ZSCAN25: variants seen among roughly 807,000 people sequenced by gnomAD.
The protein encoded by ZSCAN25 is zinc finger and SCAN domain containing 25, also known as zinc finger and SCAN domain-containing protein 25.
ZSCAN25 carries 27 observed loss-of-function variants against 38.7 expected under a neutral mutation model. That is an observed-to-expected ratio of 0.70 (90% CI 0.51 to 0.96). The LOEUF (loss-of-function observed/expected upper bound fraction) is 0.96, where lower values mean the gene tolerates loss of function less well. Among genes scored for constraint, ZSCAN25 ranks in the 40% least tolerant of loss-of-function variants. The probability of loss-of-function intolerance (pLI) is 0.00; values close to 1 mark genes in which losing one functional copy is unlikely to be tolerated. For missense variants in ZSCAN25, 637 were observed against 705.9 expected (o/e 0.90, Z 1.11); for synonymous variants, 273 against 277.7 (o/e 0.98, Z 0.17).
the ZSCAN25 span, among the ~76,000 whole-genome samples, chr7:99,644,183 C>A: frequency 1.3e-5 from 2 of 152,174 alleles, no homozygotes; most frequent in Admixed American, 1.3e-4. Flanking sequence ...TGTTTTACAC[C>A]AGGTGCTGTG....
chr7:99,684,728 A>G, the ZSCAN25 span, among the ~76,000 whole-genome samples: 1 of 152,238 alleles, frequency 6.6e-6, no homozygotes, highest in East Asian at 1.9e-4. Flanking sequence ...CTTATTATAG[A>G]ATGCTCCAGA....
the ZSCAN25 span, among the ~76,000 whole-genome samples, chr7:99,667,592 A>G: frequency 6.6e-6 from 1 of 152,240 alleles, no homozygotes; most frequent in Non-Finnish European, 1.5e-5. Flanking sequence ...TTCCTTGAAA[A>G]TTCTTTTCTC....
At chr7:99,692,971 A>C in the ZSCAN25 span, among the ~76,000 whole-genome samples, 1 of 152,066 alleles carries the variant, frequency 6.6e-6, no homozygotes, top group Admixed American at 6.5e-5. Context: ...GGAGGAGAAG[A>C]GATGCTCTGT....
the ZSCAN25 span, among the ~76,000 whole-genome samples, chr7:99,677,730 C>CCAAA: frequency 1.3e-5 from 2 of 152,226 alleles, no homozygotes; most frequent in African/African-American, 4.8e-5. Flanking sequence ...GCACCACCTG[C>CCAAA]CAAAGCCAGG....
At chr7:99,732,038 A>G in the ZSCAN25 span, among the ~76,000 whole-genome samples, 1 of 152,128 alleles carries the variant, frequency 6.6e-6, no homozygotes, top group Non-Finnish European at 1.5e-5. Context: ...CTGTGCCCCT[A>G]CCCAAATCTC....
chr7:99,646,062 G>A, the ZSCAN25 span, among the ~76,000 whole-genome samples: 1 of 151,986 alleles, frequency 6.6e-6, no homozygotes, highest in African/African-American at 2.4e-5. Flanking sequence ...CTCCAGTTTT[G>A]TTCTTTTTGC....
At chr7:99,691,186 C>A in the ZSCAN25 span, among the ~76,000 whole-genome samples, 1 of 151,708 alleles carries the variant, frequency 6.6e-6, no homozygotes, top group Non-Finnish European at 1.5e-5. Flanking sequence ...AGCAAACTAT[C>A]GCAAGGACAA....
At chr7:99,678,408 C>T in the ZSCAN25 span, among the ~76,000 whole-genome samples, 4 of 152,232 alleles carry the variant, frequency 2.6e-5, no homozygotes, top group Admixed American at 6.5e-5. Flanking sequence ...GTCTTGCTTA[C>T]TCCCCTGTCC....
chr7:99,722,921 C>G, the ZSCAN25 span, among the ~76,000 whole-genome samples: 2 of 152,132 alleles, frequency 1.3e-5, no homozygotes, highest in Admixed American at 6.5e-5. Flanking sequence ...ACAAAGTGGA[C>G]TCGCTTTCCA....
chr7:99,720,450 C>T, the ZSCAN25 span: 3 of 1,609,756 alleles, frequency 1.9e-6, no homozygotes, highest in East Asian at 6.7e-5. Flanking sequence ...ACATCAACAG[C>T]CTTATGCTAC....
At chr7:99,681,076 T>G in the ZSCAN25 span, among the ~76,000 whole-genome samples, 2 of 152,246 alleles carry the variant, frequency 1.3e-5, no homozygotes, top group Non-Finnish European at 2.9e-5. Flanking sequence ...GTGCCTGGCT[T>G]ATTTCACTTA....
intron 7 of ZSCAN25, among the ~76,000 whole-genome samples, chr7:99,628,462 A>G (rs1807688016): frequency 6.6e-6 from 1 of 152,146 alleles, no homozygotes; most frequent in African/African-American, 2.4e-5. Flanking sequence ...TAGAGAGAAT[A>G]TAAGAAGGAT....
chr7:99,707,828 G>T, the ZSCAN25 span: 1 of 1,613,848 alleles, frequency 6.2e-7, no homozygotes. Context: ...TTCTTTACAA[G>T]GTTTGAAGGA....
the ZSCAN25 span, among the ~76,000 whole-genome samples, chr7:99,694,946 A>C: frequency 6.6e-6 from 1 of 151,872 alleles, no homozygotes; most frequent in African/African-American, 2.4e-5. Context: ...TCAAATTATC[A>C]CCTTTCTAGT....
At chr7:99,709,231 A>T in the ZSCAN25 span, 1,318 of 1,613,914 alleles carry the variant, frequency 8.2e-4, 2 homozygotes, top group Middle Eastern at 3.1e-3. Context: ...AGATACTCCA[A>T]CTGTAGCACA....
chr7:99,661,275 A>G, the ZSCAN25 span, among the ~76,000 whole-genome samples: 2 of 152,222 alleles, frequency 1.3e-5, no homozygotes, highest in African/African-American at 4.8e-5. Flanking sequence ...AAACCCCACC[A>G]TCGAACTACT....
chr7:99,710,947 G>A, the ZSCAN25 span: 35 of 1,611,998 alleles, frequency 2.2e-5, no homozygotes, highest in Middle Eastern at 5.0e-4. Context: ...GGGCATCACA[G>A]TTTAGATGAA....
At chr7:99,674,527 A>T in the ZSCAN25 span, 1 of 1,612,914 alleles carries the variant, frequency 6.2e-7, no homozygotes, top group Non-Finnish European at 8.5e-7. Flanking sequence ...TTTTCAGAAT[A>T]CTCACCCCCA....
chr7:99,711,111 C>A, the ZSCAN25 span, among the ~76,000 whole-genome samples: 1 of 152,176 alleles, frequency 6.6e-6, no homozygotes, highest in African/African-American at 2.4e-5. Flanking sequence ...TCTTCAAGAA[C>A]GTAGACCATC....
Sources: allele counts gnomAD v4.1 joint callset (sites outside exome capture counted in the v4.1 genomes callset), GRCh38; gene constraint gnomAD v4.1.1; transcripts MANE v1.5; gene names NCBI Gene and HGNC (gene_info 2026-07-23, HGNC 2026-07-21).